The following NCOR2 variants were observed in gnomAD, a reference collection of about 807,000 sequenced individuals.
NCOR2 encodes nuclear receptor corepressor 2.
In NCOR2, 81 loss-of-function variants were observed where a neutral mutation model predicts 262.9. That is an observed-to-expected ratio of 0.31 (90% CI 0.26 to 0.37). NCOR2 has a LOEUF of 0.37. Ranked by LOEUF, NCOR2 falls within the 10% of genes least tolerant of loss-of-function variation. The pLI is 1.00. For missense variants in NCOR2, 3,385 were observed against 3,621.4 expected, an observed-to-expected ratio of 0.93 and a Z score of 1.68; for synonymous variants, 1,659 against 1,559.3, an observed-to-expected ratio of 1.06 and a Z score of -1.51.
intron 44 of NCOR2, among the ~76,000 whole-genome samples, chr12:124,330,302 G>T (rs998896553): frequency 6.6e-6 from 1 of 152,230 alleles, no homozygotes; most frequent in Non-Finnish European, 1.5e-5. Context: ...CCAACCTCAA[G>T]GGACCCCTAA....
In NCOR2 at chr12:124,566,634, C is replaced by T. The variant is rs1327666940; in HGVS notation, c.-165+674G>A. Among the ~76,000 whole-genome samples the T allele has an allele frequency of 6.6e-6, 1 of 152,212 alleles. No individual in the cohort carries two copies. The highest frequency in any genetic ancestry group is 1.5e-5 in the Non-Finnish European group (1 of 68,036). Reference sequence around the variant, plus strand: ...GCAAAGTAGTGGCATCCCAAGTATCCGCACAGCCCGGGGGAGGGACTAGGA... The same window carrying T: ...GCAAAGTAGTGGCATCCCAAGTATCTGCACAGCCCGGGGGAGGGACTAGGA... On this transcript the variant is annotated intron_variant, in intron 1 of 32. Coordinates refer to the NCOR2 transcript ENST00000458234. This position sits in a 1 kb window ranked among gnomAD's most constrained non-coding sequence, Gnocchi z 4.3.
chr12:124,349,101 G>C (rs955029161), intron 28 of NCOR2, among the ~76,000 whole-genome samples: 7 of 152,234 alleles, frequency 4.6e-5, no homozygotes, highest in African/African-American at 1.7e-4. Context: ...TGCACGGAGA[G>C]GTGTGTGTTG....
intron 5 of NCOR2, among the ~76,000 whole-genome samples, chr12:124,463,518 G>T (rs1336720890): frequency 6.6e-6 from 1 of 152,236 alleles, no homozygotes; most frequent in Non-Finnish European, 1.5e-5. Flanking sequence ...GGCGGGAAAA[G>T]CCTCGCTCAG....
chr12:124,560,571 G>A (rs1004958463), intron 1 of NCOR2, among the ~76,000 whole-genome samples: 9 of 152,202 alleles, frequency 5.9e-5, no homozygotes, highest in Non-Finnish European at 1.0e-4. Context: ...ATATTATCAC[G>A]TAGGATGTGA....
At chr12:124,351,687 T>C (rs1285804360) in intron 27 of NCOR2, among the ~76,000 whole-genome samples, 7 of 152,154 alleles carry the variant, frequency 4.6e-5, no homozygotes, top group African/African-American at 9.7e-5. Flanking sequence ...GAATGTTGGG[T>C]GTCAAACAGC....
At chr12:124,461,847 A>C (rs1005045656) in intron 5 of NCOR2, among the ~76,000 whole-genome samples, 1 of 152,190 alleles carries the variant, frequency 6.6e-6, no homozygotes, top group African/African-American at 2.4e-5. Flanking sequence ...TGCACACAGC[A>C]CCCACAGGTA....
chr12:124,526,658 G>T (rs978933694), intron 1 of NCOR2, among the ~76,000 whole-genome samples: 2 of 152,176 alleles, frequency 1.3e-5, no homozygotes, highest in African/African-American at 4.8e-5. Flanking sequence ...CTCCCCCGCG[G>T]ACAGACAGGA....
chr12:124,390,064 C>T (rs2136140990), intron 16 of NCOR2, among the ~76,000 whole-genome samples: 1 of 152,306 alleles, frequency 6.6e-6, no homozygotes, highest in African/African-American at 2.4e-5. Flanking sequence ...CCTGCACCCC[C>T]AGCCCTCGTC....
intron 2 of NCOR2, among the ~76,000 whole-genome samples, chr12:124,484,898 G>T (rs565320881): frequency 6.6e-6 from 1 of 152,342 alleles, no homozygotes; most frequent in African/African-American, 2.4e-5. Flanking sequence ...TTCAATCAGT[G>T]CCTGTAGACT....
At chr12:124,340,949 C>T (rs1331101211) in intron 34 of NCOR2, among the ~76,000 whole-genome samples, 198 bp from the exon 37 acceptor site, 7 of 152,248 alleles carry the variant, frequency 4.6e-5, no homozygotes. Context: ...GTACCACCTC[C>T]TCTTCTGCTC....
rs1555297237 is a variant in NCOR2, at chr12:124,325,380, C to CCCCCCCA, written c.*21_*22insTGGGGGG. 2.4e-4 allele frequency: 78 copies of CCCCCCCA among 327,260 alleles called. 4 individuals carry two copies. The highest frequency in any genetic ancestry group is 5.1e-5 in the Non-Finnish European group (11 of 213,826). 20.3% of individuals were successfully genotyped at this position (327,260 alleles called of 1,614,324 possible). A position where few individuals can be genotyped will look rare whatever the true frequency, so the allele number is the denominator to read the frequency against. On this transcript the variant is annotated 3_prime_UTR_variant, in exon 47 of 47. Coordinates refer to ENST00000405201, the Ensembl canonical transcript of NCOR2. ...TGGCTCGCTGGGACCTGACACCGCC[C>CCCCCCCA]CCCCCCCCGCCCTGTTCTGAGTCAC... is the stretch of plus-strand genomic sequence containing the variant.
intron 11 of NCOR2, among the ~76,000 whole-genome samples, chr12:124,423,022 T>C (rs1228670615): frequency 2.6e-5 from 4 of 152,130 alleles, no homozygotes; most frequent in African/African-American, 9.7e-5. Flanking sequence ...CCAGAAGAGC[T>C]GGGAGCAGAG....
chr12:124,334,665 G>C (rs2035715165), intron 40 of NCOR2, 48 bp from the exon 43 acceptor site: 8 of 908,870 alleles, frequency 8.8e-6, no homozygotes, highest in South Asian at 2.2e-5. Context: ...TCTCCTGACA[G>C]AACCTTCTGG....
chr12:124,325,504 G>A, exon 47 of NCOR2: 1 of 1,360,030 alleles, frequency 7.4e-7, no homozygotes, highest in Non-Finnish European at 9.5e-7. Context: ...TGCCCGCGGG[G>A]AGGCCCGGTG....
At chr12:124,384,465 CT>C (rs2040643147) in intron 17 of NCOR2, among the ~76,000 whole-genome samples, 4 of 152,280 alleles carry the variant, frequency 2.6e-5, no homozygotes, top group Non-Finnish European at 5.9e-5. Context: ...GGGGAGGGGC[CT>C]CCCTGAGGCC....
chr12:124,466,415 A>T, intron 4 of NCOR2, 129 bp from the exon 7 acceptor site: 1 of 773,884 alleles, frequency 1.3e-6, no homozygotes, highest in Non-Finnish European at 2.0e-6. Context: ...AGGCTGCTAC[A>T]CATTTCCTGT....
intron 11 of NCOR2, among the ~76,000 whole-genome samples, chr12:124,424,166 CGAAAGGCTGAAGCCGCA>C (rs907358728): frequency 1.3e-5 from 2 of 152,146 alleles, no homozygotes; most frequent in African/African-American, 2.4e-5. Context: ...TGAGATCTTC[CGAAAGGCTGAAGCCGCA>C]GAAAGTCTCC....
intron 9 of NCOR2, 29 bp from the exon 12 acceptor site, chr12:124,429,735 C>A: frequency 1.3e-6 from 2 of 1,570,676 alleles, no homozygotes; most frequent in South Asian, 1.2e-5. Context: ...CACTCAGGAC[C>A]GGTCTTCTGG....
At chr12:124,461,018 C>T (rs759508034) in intron 5 of NCOR2, among the ~76,000 whole-genome samples, 4 of 152,248 alleles carry the variant, frequency 2.6e-5, no homozygotes, top group Admixed American at 6.5e-5. Context: ...CTAACTCCAC[C>T]CAAGGGTGGC....
Sources: allele counts gnomAD v4.1 joint callset (sites outside exome capture counted in the v4.1 genomes callset), GRCh38; gene constraint gnomAD v4.1.1; non-coding constraint Gnocchi (gnomAD v3.1); transcripts MANE v1.5; gene names NCBI Gene and HGNC (gene_info 2026-07-23, HGNC 2026-07-21).